The following VPS53 variants were observed in gnomAD, a reference collection of about 807,000 sequenced individuals.
VPS53 encodes the protein VPS53 subunit of GARP complex.
A neutral mutation model predicts 107.0 loss-of-function variants in VPS53; 70 were observed. The ratio of observed to expected loss-of-function variants is 0.65; its 90% CI spans 0.54 to 0.80. The LOEUF (loss-of-function observed/expected upper bound fraction) is 0.80, where lower values mean the gene tolerates loss of function less well. VPS53 is among the 30% of genes least tolerant of loss of function. The pLI is 0.00. For synonymous variants in VPS53, 409 were observed against 393.3 expected (o/e 1.04, Z -0.47); for missense variants, 917 against 1,049.4 (o/e 0.87, Z 1.74).
At chr17:607,437 G>A (rs1968638382) in intron 11 of VPS53, among the ~76,000 whole-genome samples, 2 of 152,184 alleles carry the variant, frequency 1.3e-5, no homozygotes, top group Non-Finnish European at 1.5e-5. Flanking sequence ...ATGCATTCCC[G>A]CTAGTTAGAG....
At chr17:542,774 T>G (rs1436624351) in intron 17 of VPS53, among the ~76,000 whole-genome samples, 2 of 152,126 alleles carry the variant, frequency 1.3e-5, no homozygotes, top group Non-Finnish European at 2.9e-5. Context: ...AGGCCAGGAA[T>G]TCGAGACCAG....
rs10539620 is a variant in VPS53 at position 672,175 on chromosome 17, A to ATCTCTCTCTCTCTCTCTCTCTC, written c.286-10302_286-10281dup. On this transcript the variant is annotated intron_variant, in intron 4 of 21. Transcript: ENST00000437048. Reference sequence around the variant, plus strand: ...ACAATCTCTCTCTCACACAATCTCAATCTCTCTCTCTCTCTCTCTCTCTCT... The same window carrying ATCTCTCTCTCTCTCTCTCTCTC: ...ACAATCTCTCTCTCACACAATCTCAATCTCTCTCTCTCTCTCTCTCTCTCTCTCTCTCTCTCTCTCTCTCTCT... Among the ~76,000 whole-genome samples, 90 of 107,152 alleles carry ATCTCTCTCTCTCTCTCTCTCTC rather than the reference A, an allele frequency of 8.4e-4. 5 individuals are homozygous for ATCTCTCTCTCTCTCTCTCTCTC. Among genetic ancestry groups the ATCTCTCTCTCTCTCTCTCTCTC allele is most frequent in the South Asian group, 3.9e-3 (10 of 2,564 alleles). The allele number at this position is 107,152 out of a possible 152,430, so 70.3% of individuals were successfully genotyped here.
chr17:582,567 C>T (rs1967085938), intron 13 of VPS53, among the ~76,000 whole-genome samples: 1 of 148,844 alleles, frequency 6.7e-6, no homozygotes, highest in Non-Finnish European at 1.5e-5. Flanking sequence ...GAACCTCCTT[C>T]AGACGCTAAT....
intron 13 of VPS53, among the ~76,000 whole-genome samples, chr17:566,377 G>T (rs1464576007): frequency 6.6e-6 from 1 of 152,192 alleles, no homozygotes; most frequent in East Asian, 1.9e-4. Flanking sequence ...TGGTACAAAA[G>T]GCGAAGGAGG....
In VPS53 at chr17:623,211, A is replaced by C. The variant is rs1343740894; in HGVS notation, c.1116+322T>G. ...TAAAAACATATCCTAATTGTAACCA[A>C]ATCTGATAACTGATAAAGAAATAAG... On this transcript the variant is annotated intron_variant, in intron 11 of 21. Transcript: ENST00000437048. 3.3e-5 allele frequency among the ~76,000 whole-genome samples: 5 copies of C among 152,194 alleles called. No individual in the cohort carries two copies. The East Asian group carries it at 7.7e-4, about 23-fold the overall frequency.
chr17:514,964 G>C lies in VPS53; in HGVS notation c.*4164C>G, dbSNP rs1908199575. ...GAACACCTTGTCCATTGCGGCTCCT[G>C]TTTCATTGTTAAGAGTCCACACAGG... On this transcript the variant is annotated 3_prime_UTR_variant, in exon 22 of 22. Transcript: ENST00000437048. 2 of 152,130 alleles carry C rather than the reference G, an allele frequency of 1.3e-5. No homozygotes were observed. Among genetic ancestry groups the C allele is most frequent in the African/African-American group, 4.8e-5 (2 of 41,382 alleles). The allele number at this position is 152,130 out of a possible 1,614,324, so 9.4% of individuals were successfully genotyped here. A position where few individuals can be genotyped will look rare whatever the true frequency, so the allele number is the denominator to read the frequency against.
At chr17:605,799 G>A (rs550291852) in intron 11 of VPS53, among the ~76,000 whole-genome samples, 4 of 148,486 alleles carry the variant, frequency 2.7e-5, no homozygotes, top group African/African-American at 9.9e-5. Flanking sequence ...GGGACAGAAA[G>A]GAAGATGGGG....
At chr17:680,060 G>A (rs757274913) in intron 4 of VPS53, among the ~76,000 whole-genome samples, 3 of 152,174 alleles carry the variant, frequency 2.0e-5, no homozygotes, top group East Asian at 1.9e-4. Context: ...TTGGGAGGCC[G>A]AAGTGGGTGA....
chr17:699,279 A>C, intron 3 of VPS53, 52 bp downstream of exon 3: 1 of 1,405,882 alleles, frequency 7.1e-7, no homozygotes, highest in Non-Finnish European at 9.4e-7. Context: ...TGATTAACTA[A>C]ATTAACAATA....
At chr17:564,694 G>A (rs149192557) in intron 13 of VPS53, among the ~76,000 whole-genome samples, 118 of 152,052 alleles carry the variant, frequency 7.8e-4, no homozygotes, top group African/African-American at 2.7e-3. Flanking sequence ...TCCAGCCTGG[G>A]CAACAGAGCA....
At chr17:594,229 T>A (rs4968089) in intron 12 of VPS53, among the ~76,000 whole-genome samples, 150,935 of 152,294 alleles carry the variant, frequency 0.99, 74,813 homozygotes, top group East Asian at 1. Context: ...CTGACGAGTT[T>A]GTGGGTGCAG....
chr17:556,209 G>A (rs971853195), intron 15 of VPS53, among the ~76,000 whole-genome samples: 22 of 152,220 alleles, frequency 1.4e-4, no homozygotes, highest in African/African-American at 1.2e-4. Context: ...GATCGCTTTC[G>A]TTCCAGGTTT....
At chr17:597,978 G>GGTCTCCCTCTCCCCACA (rs1555561897) in intron 12 of VPS53, among the ~76,000 whole-genome samples, 5 of 149,840 alleles carry the variant, frequency 3.3e-5, no homozygotes, top group East Asian at 2.0e-4. Context: ...CTCTCCCCAC[G>GGTCTCCCTCTCCCCACA]GTCTCCCTCT....
At chr17:525,868 A>G (rs1269502999) in intron 19 of VPS53, among the ~76,000 whole-genome samples, 2 of 151,826 alleles carry the variant, frequency 1.3e-5, no homozygotes, top group Non-Finnish European at 2.9e-5. Context: ...ATGGTGGTGC[A>G]CACCTGTAAT....
At chr17:555,252 C>T (rs891049551) in intron 15 of VPS53, among the ~76,000 whole-genome samples, 1 of 152,212 alleles carries the variant, frequency 6.6e-6, no homozygotes, top group Non-Finnish European at 1.5e-5. Flanking sequence ...TGGGAGACAC[C>T]AGGGTCCTTC....
At chr17:630,065 G>C (rs561240592) in intron 8 of VPS53, among the ~76,000 whole-genome samples, 1 of 151,912 alleles carries the variant, frequency 6.6e-6, no homozygotes, top group Non-Finnish European at 1.5e-5. Context: ...AGGCCGAGGC[G>C]GGCGGATCAC....
At chr17:690,742 G>T (rs959433839) in intron 4 of VPS53, among the ~76,000 whole-genome samples, 1 of 147,384 alleles carries the variant, frequency 6.8e-6, no homozygotes, top group Admixed American at 6.7e-5. Flanking sequence ...AAAAATCTCA[G>T]CAAATCCAAG....
intron 11 of VPS53, among the ~76,000 whole-genome samples, chr17:608,073 G>A (rs2143011285): frequency 6.6e-6 from 1 of 152,308 alleles, no homozygotes; most frequent in East Asian, 1.9e-4. Flanking sequence ...CTCCATAAAT[G>A]CTTTACTCCA....
intron 1 of VPS53, among the ~76,000 whole-genome samples, chr17:713,093 C>T (rs548945992): frequency 1.8e-3 from 269 of 151,982 alleles, no homozygotes; most frequent in African/African-American, 6.2e-3. Context: ...CCCAGCTACT[C>T]GGGAGGCTGA....
Sources: gnomAD v4.1 joint callset for allele counts (sites outside exome capture counted in the v4.1 genomes callset) on GRCh38, gnomAD v4.1.1 for gene constraint, MANE v1.5 for transcripts, NCBI Gene and HGNC (gene_info 2026-07-23, HGNC 2026-07-21) for gene names.